Variants in HSD17B7 observed in about 807,000 individuals in gnomAD.
HSD17B7 encodes the protein 3-keto-steroid reductase/17-beta-hydroxysteroid dehydrogenase 7.
A neutral mutation model predicts 34.1 loss-of-function variants in HSD17B7; 17 were observed. The observed-to-expected ratio is 0.50, with a 90% confidence interval of 0.34 to 0.75. The LOEUF (loss-of-function observed/expected upper bound fraction) is 0.75, where lower values mean the gene tolerates loss of function less well. Ranked by LOEUF, HSD17B7 falls within the 30% of genes least tolerant of loss-of-function variation. HSD17B7 has a pLI of 0.01. For synonymous variants in HSD17B7, 122 were observed against 154.6 expected (o/e 0.79, Z 1.56); for missense variants, 296 against 406.6 (o/e 0.73, Z 2.34).
intron 5 of HSD17B7, among the ~76,000 whole-genome samples, chr1:162,800,987 C>T (rs4387160): frequency 1.3e-5 from 2 of 151,932 alleles, no homozygotes; most frequent in African/African-American, 4.8e-5. Flanking sequence ...ATGATGCCCC[C>T]CTTTTTTTTT....
chr1:162,794,156 T>C (rs1177705883), intron 2 of HSD17B7, among the ~76,000 whole-genome samples: 2 of 152,200 alleles, frequency 1.3e-5, no homozygotes, highest in African/African-American at 4.8e-5. Context: ...GCCCTAGGGC[T>C]ATCTGGAATA....
chr1:162,797,670 A>G, intron 3 of HSD17B7, 132 bp from the exon 4 acceptor site: 2 of 1,398,934 alleles, frequency 1.4e-6, no homozygotes, highest in Non-Finnish European at 9.5e-7. Context: ...AGAAATAGGT[A>G]TTTTTATTCC....
At chr1:162,804,352 A>G (rs1481952312) in intron 7 of HSD17B7, 29 bp downstream of exon 7, 3 of 1,353,214 alleles carry the variant, frequency 2.2e-6, no homozygotes, top group Non-Finnish European at 2.1e-6. Context: ...TATAACTTGT[A>G]TGATGACTTA....
chr1:162,809,906 G>T (rs1649118686), intron 8 of HSD17B7, among the ~76,000 whole-genome samples: 1 of 151,940 alleles, frequency 6.6e-6, no homozygotes, highest in South Asian at 2.1e-4. Context: ...CCAGCTCCTG[G>T]ATTCATTGAT....
At chr1:162,808,209 A>G (rs1339253392) in intron 8 of HSD17B7, among the ~76,000 whole-genome samples, 1 of 152,126 alleles carries the variant, frequency 6.6e-6, no homozygotes, top group Non-Finnish European at 1.5e-5. Flanking sequence ...TCCCAGCACC[A>G]TTTATTAAAT....
Position 162,805,374 on chromosome 1 carries a change from G to T in HSD17B7, c.805-20G>T. Reference sequence around the variant, plus strand: ...TCTTGGGCAGAAGAAACAAATCATTGACACATCCTTCCTTTCCAGGTATGG... The same window carrying T: ...TCTTGGGCAGAAGAAACAAATCATTTACACATCCTTCCTTTCCAGGTATGG... On this transcript the variant is annotated intron_variant, in intron 7 of 8. Coordinates refer to ENST00000254521, the MANE Select transcript of HSD17B7 (RefSeq NM_016371.4). 1.9e-6 allele frequency: 3 copies of T among 1,611,028 alleles called. No homozygotes were observed. In the South Asian group the frequency reaches 3.3e-5, roughly 18 times the overall value.
intron 4 of HSD17B7, chr1:162,799,419 G>A (rs1164561826): frequency 5.1e-6 from 1 of 197,736 alleles, no homozygotes; most frequent in East Asian, 1.1e-4. Flanking sequence ...CCTAGAATCA[G>A]CTACTTTTCT....
Position 162,796,634 on chromosome 1 carries a change from C to G in HSD17B7, c.289C>G (p.Pro97Ala), listed in dbSNP as rs771390638. 6.2e-7 allele frequency: 1 copy of G among 1,612,400 alleles called. No homozygotes were observed. Among genetic ancestry groups the G allele is most frequent in the East Asian group, 2.2e-5 (1 of 44,816 alleles). Residue 97 changes from proline (P) to alanine (A), a missense_variant, in exon 3 of 9, where the codon CCA becomes GCA. Coordinates refer to ENST00000254521, the MANE Select transcript of HSD17B7 (RefSeq NM_016371.4). The stretch of plus-strand genomic sequence containing the variant: ...TCTAAATGCTGGGATCATGCCTAAT[C>G]CACAACTAAATATCAAAGCACTTTT... ...IYLNAGIMPN[P>A]QLNIKALFFG...
At chr1:162,806,158 A>C (rs1190808648) in intron 8 of HSD17B7, among the ~76,000 whole-genome samples, 1 of 152,210 alleles carries the variant, frequency 6.6e-6, no homozygotes, top group Non-Finnish European at 1.5e-5. Context: ...ATTTATTTTA[A>C]ACTAAGAGAA....
chr1:162,798,950 T>A, intron 4 of HSD17B7: 1 of 261,104 alleles, frequency 3.8e-6, no homozygotes, highest in South Asian at 3.0e-5. Context: ...GCCGAGGTCA[T>A]GCCATTGGAC....
intron 4 of HSD17B7, among the ~76,000 whole-genome samples, chr1:162,799,297 A>G (rs1042074432): frequency 4.0e-4 from 61 of 151,946 alleles, no homozygotes; most frequent in Admixed American, 3.8e-3. Flanking sequence ...TCTTTGGCAC[A>G]CCCCCATTGT....
chr1:162,804,389 T>C, intron 7 of HSD17B7, 66 bp downstream of exon 7: 1 of 981,556 alleles, frequency 1.0e-6, no homozygotes, highest in East Asian at 2.4e-5. Context: ...GGTTCACTCG[T>C]AGTAGAAATA....
intron 8 of HSD17B7, among the ~76,000 whole-genome samples, chr1:162,806,354 T>C (rs1208075605): frequency 6.6e-6 from 1 of 152,174 alleles, no homozygotes; most frequent in Non-Finnish European, 1.5e-5. Context: ...AGGGGAGCCA[T>C]GCACTTGGCT....
chr1:162,806,748 T>G (rs1235280359), intron 8 of HSD17B7, among the ~76,000 whole-genome samples: 2 of 152,212 alleles, frequency 1.3e-5, no homozygotes, highest in East Asian at 3.9e-4. Context: ...AAGGAATGAT[T>G]TGTTTATCAA....
chr1:162,804,059 C>A (rs186954015), intron 6 of HSD17B7, among the ~76,000 whole-genome samples: 80 of 152,282 alleles, frequency 5.3e-4, no homozygotes, highest in African/African-American at 1.9e-3. Context: ...AAGTAAAGAT[C>A]AGAAGTAAAT....
chr1:162,805,735 A>C (rs1205254323), intron 8 of HSD17B7, among the ~76,000 whole-genome samples: 1 of 152,142 alleles, frequency 6.6e-6, no homozygotes, highest in Non-Finnish European at 1.5e-5. Flanking sequence ...AGATCAGTTT[A>C]TCCCATAGCC....
At chr1:162,806,541 T>C (rs1221281953) in intron 8 of HSD17B7, among the ~76,000 whole-genome samples, 1 of 152,204 alleles carries the variant, frequency 6.6e-6, no homozygotes, top group Non-Finnish European at 1.5e-5. Context: ...ATCAGCAAAG[T>C]AAAGGCTGTG....
intron 8 of HSD17B7, among the ~76,000 whole-genome samples, chr1:162,807,170 G>T (rs1336047518): frequency 3.3e-5 from 5 of 152,104 alleles, no homozygotes; most frequent in Middle Eastern, 3.4e-3. Flanking sequence ...TCCCCTTCCT[G>T]TGTCCAAGTG....
rs766995976 is a variant in HSD17B7, at chr1:162,799,839, G to T, written c.544G>T (p.Glu182Ter). ...TGCAAGGAAATCTAATTTCAGCCTC[G>T]AGGACTTCCAGCACAGCAAAGGCAA... ...RSARKSNFSL[E>*]DFQHSKGKEP... Residue 182 changes from glutamate to a stop codon, truncating the protein, a stop_gained, in exon 5 of 9, where the codon GAG (glutamate) becomes TAG (stop). Transcript: ENST00000254521. LOFTEE classifies it high-confidence loss of function. 22 of 1,613,834 alleles carry T rather than the reference G, an allele frequency of 1.4e-5. No individual in the cohort carries two copies. In the East Asian group the frequency reaches 2.2e-4, roughly 16 times the overall value.
Sources: allele counts gnomAD v4.1 joint callset (sites outside exome capture counted in the v4.1 genomes callset), GRCh38; gene constraint gnomAD v4.1.1; transcripts MANE v1.5; gene names NCBI Gene and HGNC (gene_info 2026-07-23, HGNC 2026-07-21).